Variants in HOXC4 observed in about 807,000 individuals in gnomAD.
HOXC4 encodes homeobox protein Hox-C4.
Under a neutral mutation model 25.5 loss-of-function variants are expected in HOXC4, and 15 were observed. The observed-to-expected ratio is 0.59, with a 90% CI of 0.39 to 0.91. The LOEUF is 0.91. HOXC4 is among the 40% of genes least tolerant of loss of function. HOXC4 has a pLI of 0.00. For synonymous variants in HOXC4, 165 were observed against 148.0 expected (o/e 1.11, Z -0.83); for missense variants, 342 against 352.4 (o/e 0.97, Z 0.24).
chr12:54,024,209 T>G (rs1364588368), intron 1 of HOXC4, among the ~76,000 whole-genome samples: 1 of 151,952 alleles, frequency 6.6e-6, no homozygotes, highest in Non-Finnish European at 1.5e-5. Context: ...GGGCAACCGT[T>G]CTTCTCTTGC....
At chr12:54,029,660 G>C in intron 1 of HOXC4, 1 of 1,611,188 alleles carries the variant, frequency 6.2e-7, no homozygotes, top group Non-Finnish European at 8.5e-7. Flanking sequence ...TTTAGGGGTC[G>C]GCTACGGAGC....
At chr12:54,042,900 G>T (rs572022332) in intron 1 of HOXC4, among the ~76,000 whole-genome samples, 42 of 152,306 alleles carry the variant, frequency 2.8e-4, no homozygotes, top group South Asian at 2.1e-3. Flanking sequence ...GGCTCCAGGA[G>T]CCCAAGGAAT....
intron 1 of HOXC4, chr12:54,030,701 G>A (rs1160374878): frequency 6.6e-6 from 1 of 152,648 alleles, no homozygotes; most frequent in African/African-American, 2.4e-5. Flanking sequence ...AATGACGTTT[G>A]TTTAGCCAGT....
rs779640921 is a variant in HOXC4 at position 54,028,795 on chromosome 12, T to A, written c.-124+11381T>A. On this transcript the variant is annotated intron_variant, in intron 1 of 3. Coordinates refer to the HOXC4 transcript ENST00000303406. ...GCTCTCAAACTGCAGACAAAACACC[T>A]TAGGACATAACACACAGACCTCAAT... is the stretch of plus-strand genomic sequence containing the variant. 4.3e-6 allele frequency: 7 copies of A among 1,613,940 alleles called. No homozygotes were observed. The East Asian group carries it at 1.6e-4, about 36-fold the overall frequency.
chr12:54,040,368 C>T (rs966990060), intron 1 of HOXC4, among the ~76,000 whole-genome samples: 3 of 152,200 alleles, frequency 2.0e-5, no homozygotes, highest in Non-Finnish European at 4.4e-5. Context: ...CCATCCGGCC[C>T]TGTTCCTTCC....
chr12:54,040,734 A>G (rs1941258793), intron 1 of HOXC4, among the ~76,000 whole-genome samples: 1 of 152,134 alleles, frequency 6.6e-6, no homozygotes, highest in South Asian at 2.1e-4. Context: ...TTCCCCATAC[A>G]CTTACAAGTA....
At position 54,028,649 on chromosome 12, in the gene HOXC4, C is replaced by T. The variant is rs763026260; in HGVS notation, c.-124+11235C>T. 8 of 1,614,140 alleles carry T rather than the reference C, an allele frequency of 5.0e-6. No individual in the cohort carries two copies. The highest frequency in any genetic ancestry group is 3.3e-4 in the Middle Eastern group (2 of 6,062). ...AGGCATTTCTCGACCTATGGAGCGG[C>T]CGTTGCCCAGAACCGGATCTACTCG... On this transcript the variant is annotated intron_variant, in intron 1 of 3. Transcript: ENST00000303406.
intron 1 of HOXC4, among the ~76,000 whole-genome samples, chr12:54,023,292 C>T (rs1366837544): frequency 6.6e-6 from 1 of 152,180 alleles, no homozygotes; most frequent in Non-Finnish European, 1.5e-5. Flanking sequence ...ACGTTTTAAC[C>T]TTAAGTCAGA....
upstream of HOXC4, chr12:54,016,893 AC>A (rs1940178682): frequency 6.6e-6 from 1 of 152,238 alleles, no homozygotes; most frequent in Admixed American, 6.5e-5. Context: ...GCTCCGCAGA[AC>A]AGTCCTCCCT....
chr12:54,033,431 G>A (rs1284328216), intron 1 of HOXC4: 1 of 1,602,864 alleles, frequency 6.2e-7, no homozygotes, highest in Non-Finnish European at 8.5e-7. Flanking sequence ...GTCAGAAGGC[G>A]GCTCGCCCGG....
Position 54,054,090 on chromosome 12 carries a change from G to T in HOXC4, c.168G>T (p.Pro56=). 3 of 1,613,950 alleles carry T rather than the reference G, an allele frequency of 1.9e-6. No individual in the cohort carries two copies. Among genetic ancestry groups the T allele is most frequent in the Non-Finnish European group, 8.5e-7 (1 of 1,179,986 alleles). The change falls in exon 1 of 2, where the codon CCG becomes CCT. Residue 56 remains proline (P), a synonymous_variant. Coordinates refer to ENST00000430889, the MANE Select transcript of HOXC4 (RefSeq NM_153633.3). ...ACCACCAGGAGCTGTACCCACCACC[G>T]CCTCCGCGCCCTAGCTACCCTGAGC... ...QHHHQELYPP[P]PPRPSYPERQ... is the part of the protein sequence containing the mutation.
At chr12:54,051,955 A>G (rs1382055821), upstream of HOXC4, among the ~76,000 whole-genome samples, 1 of 152,120 alleles carries the variant, frequency 6.6e-6, no homozygotes, top group African/African-American at 2.4e-5. Context: ...CCCTCTCACA[A>G]GGGCTTTATT....
At chr12:54,023,517 A>C (rs1940541312) in intron 1 of HOXC4, among the ~76,000 whole-genome samples, 1 of 152,136 alleles carries the variant, frequency 6.6e-6, no homozygotes, top group African/African-American at 2.4e-5. Context: ...GTAGCCTCTC[A>C]ACCTCTTAGC....
At chr12:54,037,126 C>A (rs1395727005) in intron 1 of HOXC4, among the ~76,000 whole-genome samples, 2 of 152,230 alleles carry the variant, frequency 1.3e-5, no homozygotes, top group Non-Finnish European at 2.9e-5. Flanking sequence ...CAGGTCTGCC[C>A]AGGCACCAGC....
intron 1 of HOXC4, among the ~76,000 whole-genome samples, chr12:54,036,416 G>C (rs1941186116): frequency 6.6e-6 from 1 of 152,138 alleles, no homozygotes; most frequent in South Asian, 2.1e-4. Flanking sequence ...GAATATTTAT[G>C]ATTATTAATG....
At chr12:54,051,311 C>T (rs964650028), upstream of HOXC4, among the ~76,000 whole-genome samples, 2 of 152,032 alleles carry the variant, frequency 1.3e-5, no homozygotes, top group African/African-American at 4.8e-5. Flanking sequence ...CTTTGGACTT[C>T]CCGGTGGAGC....
intron 1 of HOXC4, among the ~76,000 whole-genome samples, chr12:54,029,409 C>CCT (rs1940887176): frequency 1.1e-5 from 1 of 87,044 alleles, no homozygotes; most frequent in Non-Finnish European, 2.2e-5. Flanking sequence ...CCCCGCCCCC[C>CCT]CGCCCCCCCC....
In HOXC4 at chr12:54,043,918, CTGTGTGTGTGTGTG is replaced by C. The variant is rs71444829; in HGVS notation, c.-123-9206_-123-9193del. On this transcript the variant is annotated intron_variant, in intron 1 of 3. Transcript: ENST00000303406. ...CAACTTTCTGGCTGGAAAACACAGGCTGTGTGTGTGTGTGTGTGTGTGTGTGTGTGTGTGTGTGT... is the reference window on the plus strand; with the variant it reads ...CAACTTTCTGGCTGGAAAACACAGGCTGTGTGTGTGTGTGTGTGTGTGTGT... 4.4e-3 allele frequency among the ~76,000 whole-genome samples: 555 copies of C among 127,342 alleles called. 6 individuals carry two copies. Among genetic ancestry groups the C allele is most frequent in the Admixed American group, 6.8e-3 (86 of 12,704 alleles). The allele number at this position is 127,342 out of a possible 152,430, so 83.5% of individuals were successfully genotyped here. A position where few individuals can be genotyped will look rare whatever the true frequency, so the allele number is the denominator to read the frequency against.
chr12:54,033,050 C>A, intron 1 of HOXC4: 2 of 1,265,328 alleles, frequency 1.6e-6, no homozygotes, highest in Non-Finnish European at 2.2e-6. Context: ...AACAAAAAAC[C>A]CCTCAACTTC....
Sources: gnomAD v4.1 joint callset for allele counts (sites outside exome capture counted in the v4.1 genomes callset) on GRCh38, gnomAD v4.1.1 for gene constraint, MANE v1.5 for transcripts, NCBI Gene and HGNC (gene_info 2026-07-23, HGNC 2026-07-21) for gene names.